SPON1: variants seen among roughly 807,000 people sequenced by gnomAD.
SPON1 encodes spondin 1, also known as spondin-1.
In SPON1, 52 loss-of-function variants were observed where a neutral mutation model predicts 111.7. The observed-to-expected ratio is 0.47, with a 90% CI of 0.37 to 0.59. SPON1 has a LOEUF of 0.59. Among genes scored for constraint, SPON1 ranks in the 20% least tolerant of loss-of-function variants. The pLI is 0.00. For missense variants in SPON1, 957 were observed against 1,068.5 expected (o/e 0.90, Z 1.46); for synonymous variants, 410 against 395.8 (o/e 1.04, Z -0.43).
At position 14,259,746 on chromosome 11, in the gene SPON1, G is replaced by T; in HGVS notation, c.1831+45G>T. The stretch of plus-strand genomic sequence containing the variant: ...GACTTGGAGGAGGCCACTGGGGACA[G>T]GCGTGGAGGGCCATGGCATCCACTA... On this transcript the variant is annotated intron_variant, in intron 13 of 15. Transcript: ENST00000576479. The surrounding 1 kb of genome is among the most constrained non-coding windows in gnomAD (Gnocchi z 5.0). 1 of 1,532,448 alleles carries T rather than the reference G, an allele frequency of 6.5e-7. No homozygotes were observed. The highest frequency in any genetic ancestry group is 8.8e-7 in the Non-Finnish European group (1 of 1,135,314). 94.9% of individuals were successfully genotyped at this position (1,532,448 alleles called of 1,614,324 possible). A position where few individuals can be genotyped will look rare whatever the true frequency, so the allele number is the denominator to read the frequency against.
chr11:14,241,919 A>C (rs1279652246), intron 6 of SPON1, among the ~76,000 whole-genome samples: 1 of 151,998 alleles, frequency 6.6e-6, no homozygotes, highest in Admixed American at 6.6e-5. Context: ...TGATGGAAAG[A>C]GGGTACCCCG....
chr11:14,239,446 C>T (rs1554939485), intron 6 of SPON1, among the ~76,000 whole-genome samples: 1 of 152,156 alleles, frequency 6.6e-6, no homozygotes, highest in Non-Finnish European at 1.5e-5. Flanking sequence ...CAGAGTTTGG[C>T]AGGGCACGGT....
rs1369511749 is a variant in SPON1 at position 14,216,721 on chromosome 11, TAAC to T, written c.826-26606_826-26604del. ...TCAAATAACTAGCCCACTCCTACAA[TAAC>T]AACATTAATCCATTCACAACCCAAA... On this transcript the variant is annotated intron_variant, in intron 6 of 15. Coordinates refer to ENST00000576479, the MANE Select transcript of SPON1 (RefSeq NM_006108.4). 3.9e-5 allele frequency among the ~76,000 whole-genome samples: 6 copies of T among 152,118 alleles called. No individual in the cohort carries two copies. In the East Asian group the frequency reaches 9.6e-4, roughly 24 times the overall value.
intron 3 of SPON1, among the ~76,000 whole-genome samples, chr11:14,052,372 T>C (rs1044553571): frequency 2.0e-5 from 3 of 152,226 alleles, no homozygotes; most frequent in African/African-American, 7.2e-5. Context: ...TAGAGGAAAA[T>C]GGCAGGGTTA....
At chr11:14,224,678 C>A in intron 6 of SPON1, 1 of 449,910 alleles carries the variant, frequency 2.2e-6, no homozygotes, top group South Asian at 1.8e-5. Context: ...CAGTACTTGA[C>A]AGCTTGGTGA....
chr11:14,254,679 C>G lies in SPON1; in HGVS notation c.1042C>G (p.Gln348Glu), dbSNP rs1849087199. 1 of 1,613,984 alleles carries G rather than the reference C, an allele frequency of 6.2e-7. No homozygotes were observed. Reference protein sequence around the residue: ...KECGWVQKVVQDLIPWDAGTD... With the variant: ...KECGWVQKVVEDLIPWDAGTD... ...ATGTGGCTGGGTCCAGAAGGTGGTG[C>G]AAGACCTGATTCCCTGGGACGCTGG... The change falls in exon 8 of 16, where the codon CAA becomes GAA. Residue 348 changes from glutamine to glutamate, a missense_variant. Physicochemically the swap from Gln to Glu is conservative, Grantham distance 29 (BLOSUM62 2). Coordinates refer to ENST00000576479, the MANE Select transcript of SPON1 (RefSeq NM_006108.4).
chr11:14,208,368 A>T (rs1554936391), intron 6 of SPON1, among the ~76,000 whole-genome samples: 1 of 152,158 alleles, frequency 6.6e-6, no homozygotes, highest in Non-Finnish European at 1.5e-5. Context: ...TAAAAAAAAA[A>T]AGTTGTTCCT....
At chr11:14,263,055 A>AG in intron 15 of SPON1, 80 bp downstream of exon 15, 1 of 262,642 alleles carries the variant, frequency 3.8e-6, no homozygotes, top group Non-Finnish European at 4.9e-6. Flanking sequence ...GACCTGTTTA[A>AG]AAAAAAAAAA....
chr11:14,020,177 G>C (rs1010300046), intron 2 of SPON1, among the ~76,000 whole-genome samples: 2 of 152,326 alleles, frequency 1.3e-5, no homozygotes, highest in East Asian at 3.9e-4. Flanking sequence ...AAGAGGACAA[G>C]AGGAGAACCC....
At chr11:14,157,875 A>G (rs1407130236) in intron 6 of SPON1, among the ~76,000 whole-genome samples, 1 of 151,936 alleles carries the variant, frequency 6.6e-6, no homozygotes. Flanking sequence ...TAGAAATTCC[A>G]GTTTGTTGCT....
At chr11:14,055,540 C>T (rs1848738896) in intron 3 of SPON1, among the ~76,000 whole-genome samples, 1 of 152,156 alleles carries the variant, frequency 6.6e-6, no homozygotes, top group African/African-American at 2.4e-5. Context: ...AGGCTTCTGC[C>T]AGGTTAACGT....
intron 6 of SPON1, among the ~76,000 whole-genome samples, chr11:14,229,812 C>T (rs1331226492): frequency 6.6e-6 from 1 of 152,158 alleles, no homozygotes; most frequent in Non-Finnish European, 1.5e-5. Flanking sequence ...TTCCACCATA[C>T]CGCTCTTCAA....
At chr11:14,037,482 T>A (rs192778340) in intron 2 of SPON1, among the ~76,000 whole-genome samples, 1 of 150,542 alleles carries the variant, frequency 6.6e-6, no homozygotes, top group African/African-American at 2.4e-5. Flanking sequence ...AGAGCAAAGA[T>A]AGTCTTTTCA....
At chr11:14,080,951 G>A (rs1225645167) in intron 5 of SPON1, among the ~76,000 whole-genome samples, 1 of 152,042 alleles carries the variant, frequency 6.6e-6, no homozygotes, top group Non-Finnish European at 1.5e-5. Context: ...CTGTAGTCCT[G>A]TAGTCTTGCC....
chr11:14,006,595 G>T (rs1164761227), intron 2 of SPON1, among the ~76,000 whole-genome samples: 4 of 152,106 alleles, frequency 2.6e-5, no homozygotes, highest in Non-Finnish European at 5.9e-5. Flanking sequence ...GTGGACCGGT[G>T]GTCCATTGAA....
chr11:14,013,840 C>T (rs1048370972), intron 2 of SPON1, among the ~76,000 whole-genome samples: 1 of 152,152 alleles, frequency 6.6e-6, no homozygotes, highest in African/African-American at 2.4e-5. Context: ...GGAAGAGACT[C>T]AGAGAGGTTA....
intron 2 of SPON1, among the ~76,000 whole-genome samples, chr11:14,020,251 A>G (rs111894902): frequency 6.6e-6 from 1 of 152,186 alleles, no homozygotes; most frequent in African/African-American, 2.4e-5. Flanking sequence ...TTCAAATGCC[A>G]AGGAAATAGG....
intron 2 of SPON1, among the ~76,000 whole-genome samples, chr11:13,996,842 A>G (rs1184633826): frequency 6.6e-6 from 1 of 152,188 alleles, no homozygotes; most frequent in Non-Finnish European, 1.5e-5. Flanking sequence ...TTTCAATGAA[A>G]TTAAATGTTC....
chr11:13,982,322 AC>A (rs1163609373), intron 1 of SPON1, among the ~76,000 whole-genome samples: 1 of 152,148 alleles, frequency 6.6e-6, no homozygotes, highest in Non-Finnish European at 1.5e-5. Context: ...TCTGTCCATG[AC>A]TTCCACTGGC....
Sources: gnomAD v4.1 joint callset for allele counts (sites outside exome capture counted in the v4.1 genomes callset) on GRCh38, gnomAD v4.1.1 for gene constraint, Gnocchi (gnomAD v3.1) non-coding constraint, MANE v1.5 for transcripts, NCBI Gene and HGNC (gene_info 2026-07-23, HGNC 2026-07-21) for gene names.